The following SYN3 variants were observed in gnomAD, a reference collection of about 807,000 sequenced individuals.
SYN3 encodes the protein synapsin-3.
SYN3 carries 35 observed loss-of-function variants against 65.8 expected under a neutral mutation model. The observed-to-expected ratio is 0.53, with a 90% CI of 0.41 to 0.70. SYN3 has a LOEUF of 0.70. Ranked by LOEUF, SYN3 falls within the 30% of genes least tolerant of loss-of-function variation. SYN3 has a pLI of 0.00. For synonymous variants in SYN3, 270 were observed against 292.9 expected, an observed-to-expected ratio of 0.92 and a Z score of 0.80; for missense variants, 680 against 749.0, an observed-to-expected ratio of 0.91 and a Z score of 1.08.
chr22:32,800,360 T>A (rs944513909), intron 6 of SYN3, among the ~76,000 whole-genome samples: 1 of 152,112 alleles, frequency 6.6e-6, no homozygotes, highest in Non-Finnish European at 1.5e-5. Context: ...GAAATGCATG[T>A]CTCTCTTCAG....
chr22:32,782,760 G>T (rs549353215), intron 6 of SYN3, among the ~76,000 whole-genome samples: 2 of 151,222 alleles, frequency 1.3e-5, no homozygotes, highest in South Asian at 4.2e-4. Flanking sequence ...CTCATGATCC[G>T]CCCGCGTCAG....
At chr22:32,553,785 T>C (rs756181370) in intron 7 of SYN3, among the ~76,000 whole-genome samples, 1 of 152,226 alleles carries the variant, frequency 6.6e-6, no homozygotes, top group Non-Finnish European at 1.5e-5. Flanking sequence ...TGCTGATCCC[T>C]AGGGCATCTG....
intron 6 of SYN3, among the ~76,000 whole-genome samples, chr22:32,758,681 C>CATATATATATATAT (rs71187211): frequency 0.042 from 1,386 of 33,022 alleles, 424 homozygotes; most frequent in Non-Finnish European, 0.071. Flanking sequence ...TTACTAAACT[C>CATATATATATATAT]ATATATATAT....
chr22:32,572,456 C>CTCCT (rs1569052047), intron 7 of SYN3, among the ~76,000 whole-genome samples: 7 of 122,668 alleles, frequency 5.7e-5, no homozygotes, highest in East Asian at 2.8e-4. Flanking sequence ...CCTTTCCTCC[C>CTCCT]TTCCTTCCTT....
intron 4 of SYN3, among the ~76,000 whole-genome samples, chr22:32,898,477 G>T (rs75475223): frequency 1.4e-4 from 21 of 152,252 alleles, no homozygotes; most frequent in Admixed American, 1.2e-3. Context: ...CTCATCTGTT[G>T]TCCACCTATC....
At chr22:32,610,351 AACACT>A (rs2059425317) in intron 6 of SYN3, among the ~76,000 whole-genome samples, 1 of 151,982 alleles carries the variant, frequency 6.6e-6, no homozygotes, top group Admixed American at 6.6e-5. Flanking sequence ...TGCAGCCATC[AACACT>A]ACCTATGTTT....
chr22:32,816,219 G>C (rs1055110349), intron 6 of SYN3, among the ~76,000 whole-genome samples: 10 of 152,120 alleles, frequency 6.6e-5, no homozygotes, highest in Admixed American at 4.6e-4. Flanking sequence ...GCGGGGGTAG[G>C]GGGGAGGCCA....
At chr22:32,792,905 C>T (rs2046353475) in intron 6 of SYN3, among the ~76,000 whole-genome samples, 1 of 152,170 alleles carries the variant, frequency 6.6e-6, no homozygotes, top group South Asian at 2.1e-4. Context: ...AAAGAGACCC[C>T]TGCATCTGAA....
intron 6 of SYN3, among the ~76,000 whole-genome samples, chr22:32,786,482 C>A (rs1420743660): frequency 6.6e-6 from 1 of 152,170 alleles, no homozygotes; most frequent in African/African-American, 2.4e-5. Context: ...CCTGCCCCAG[C>A]CTCCCAAGTA....
chr22:32,849,420 T>C (rs373242482), intron 6 of SYN3: 8 of 1,605,866 alleles, frequency 5.0e-6, no homozygotes, highest in Non-Finnish European at 6.0e-6. Context: ...CAGGCCTTCC[T>C]AACCTCTTAT....
At chr22:32,627,099 T>A (rs966959568) in intron 6 of SYN3, among the ~76,000 whole-genome samples, 1 of 151,240 alleles carries the variant, frequency 6.6e-6, no homozygotes, top group Admixed American at 6.6e-5. Flanking sequence ...GGTTCCTCCT[T>A]CCCTCCCACC....
At chr22:32,836,261 T>C (rs1303884694) in intron 6 of SYN3, among the ~76,000 whole-genome samples, 1 of 152,220 alleles carries the variant, frequency 6.6e-6, no homozygotes, top group Non-Finnish European at 1.5e-5. Flanking sequence ...GCCTGGCACA[T>C]AGTAAGTGCT....
chr22:32,714,611 A>G (rs56247309), intron 6 of SYN3, among the ~76,000 whole-genome samples: 4,558 of 152,046 alleles, frequency 0.03, 101 homozygotes, highest in African/African-American at 0.06. Context: ...AACTCTAGAT[A>G]ACTAGATTCT....
intron 6 of SYN3, among the ~76,000 whole-genome samples, chr22:32,644,486 T>C (rs772318188): frequency 6.6e-6 from 1 of 152,062 alleles, no homozygotes; most frequent in Non-Finnish European, 1.5e-5. Context: ...GGGAATGCCT[T>C]TTCAGCATGC....
At chr22:32,686,392 T>C (rs75647784) in intron 6 of SYN3, among the ~76,000 whole-genome samples, 1 of 133,332 alleles carries the variant, frequency 7.5e-6, no homozygotes, top group African/African-American at 3.1e-5. Flanking sequence ...CTACATCTCC[T>C]TTTTTTTTTT....
chr22:32,611,314 G>A (rs1405781918), intron 6 of SYN3, among the ~76,000 whole-genome samples: 2 of 140,338 alleles, frequency 1.4e-5, no homozygotes, highest in African/African-American at 2.7e-5. Context: ...TTGTGGGGGG[G>A]ATGGAGTCTC....
intron 6 of SYN3, among the ~76,000 whole-genome samples, chr22:32,763,943 C>G (rs375116739): frequency 1.5e-4 from 17 of 112,666 alleles, no homozygotes; most frequent in Admixed American, 6.9e-4. Context: ...GCCCCCCCCC[C>G]CTTTTTTTTT....
intron 13 of SYN3, among the ~76,000 whole-genome samples, chr22:32,515,229 C>G (rs2057752208): frequency 6.6e-6 from 1 of 152,172 alleles, no homozygotes; most frequent in Non-Finnish European, 1.5e-5. Context: ...GTGACCAAAC[C>G]TGGTTTAAGG....
At chr22:32,612,852 T>C (rs2059464763) in intron 6 of SYN3, among the ~76,000 whole-genome samples, 1 of 151,962 alleles carries the variant, frequency 6.6e-6, no homozygotes, top group South Asian at 2.1e-4. Context: ...AATAAATAAA[T>C]AAATAAATAA....
Sources: allele counts gnomAD v4.1 joint callset (sites outside exome capture counted in the v4.1 genomes callset), GRCh38; gene constraint gnomAD v4.1.1; transcripts MANE v1.5; gene names NCBI Gene and HGNC (gene_info 2026-07-23, HGNC 2026-07-21).